Variants in LRRC49 observed in about 807,000 individuals in gnomAD.
LRRC49 encodes leucine-rich repeat-containing protein 49.
In LRRC49, 50 loss-of-function variants were observed where a neutral mutation model predicts 83.3. The observed-to-expected ratio is 0.60, with a 90% CI of 0.48 to 0.76. The LOEUF (loss-of-function observed/expected upper bound fraction) is 0.76. Ranked by LOEUF, LRRC49 falls within the 30% of genes least tolerant of loss-of-function variation. The pLI is 0.00. For synonymous variants in LRRC49, 286 were observed against 283.3 expected, an observed-to-expected ratio of 1.01 and a Z score of -0.10; for missense variants, 704 against 809.1, an observed-to-expected ratio of 0.87 and a Z score of 1.58.
chr15:70,941,193 C>T (rs1010866317), intron 8 of LRRC49, among the ~76,000 whole-genome samples: 1 of 151,988 alleles, frequency 6.6e-6, no homozygotes, highest in African/African-American at 2.4e-5. Flanking sequence ...TATGTTCTAC[C>T]GCTTCAGAAA....
intron 12 of LRRC49, 124 bp downstream of exon 12, chr15:71,008,740 T>G (rs2038549443): frequency 3.0e-6 from 2 of 661,980 alleles, no homozygotes; most frequent in Non-Finnish European, 5.0e-6. Context: ...TTAAGTTTTG[T>G]GTTGATTTTC....
chr15:70,953,421 G>T (rs1034709638), intron 8 of LRRC49, among the ~76,000 whole-genome samples: 2 of 152,086 alleles, frequency 1.3e-5, no homozygotes, highest in African/African-American at 4.8e-5. Context: ...ATTCTTGGTT[G>T]GAATTTCTTT....
chr15:70,930,308 T>A lies in LRRC49; in HGVS notation c.712-6453T>A, dbSNP rs1191760641. Among the ~76,000 whole-genome samples the A allele has an allele frequency of 2.6e-5, 4 of 152,308 alleles. No individual in the cohort carries two copies. In the East Asian group the frequency reaches 7.7e-4, roughly 29 times the overall value. On this transcript the variant is annotated intron_variant, in intron 7 of 15. Transcript: ENST00000260382. ...CTTGGGTGACCAAGTGCATTGTTAA[T>A]AAGCAGTAATATTTTGAAAGGAAAA...
At chr15:71,006,128 A>G (rs2038449504) in intron 11 of LRRC49, among the ~76,000 whole-genome samples, 1 of 152,150 alleles carries the variant, frequency 6.6e-6, no homozygotes, top group African/African-American at 2.4e-5. Context: ...AGCTATATAA[A>G]TTGGAAATTA....
chr15:70,870,906 C>T (rs8027894), intron 1 of LRRC49, among the ~76,000 whole-genome samples: 84,491 of 150,666 alleles, frequency 0.56, 24,182 homozygotes, highest in Middle Eastern at 0.7. Flanking sequence ...AGATATGCTG[C>T]AAGATATTTG....
At chr15:70,916,673 G>T (rs1163973233) in intron 6 of LRRC49, among the ~76,000 whole-genome samples, 2 of 152,216 alleles carry the variant, frequency 1.3e-5, no homozygotes, top group African/African-American at 4.8e-5. Flanking sequence ...AGGGAGGCGT[G>T]GCTGGGGCTG....
At chr15:70,893,944 G>C (rs1281162088) in intron 2 of LRRC49, among the ~76,000 whole-genome samples, 3 of 151,520 alleles carry the variant, frequency 2.0e-5, no homozygotes, top group Admixed American at 6.6e-5. Context: ...TGGGGCGCTG[G>C]GGTGCAGTGG....
At chr15:70,891,932 T>C, upstream of LRRC49, 1 of 1,613,748 alleles carries the variant, frequency 6.2e-7, no homozygotes, top group Non-Finnish European at 8.5e-7. Context: ...TGCCTGGAGC[T>C]CTCCTCGCGT....
chr15:71,033,459 T>C (rs1038830289), intron 14 of LRRC49, among the ~76,000 whole-genome samples: 1 of 152,182 alleles, frequency 6.6e-6, no homozygotes, highest in Admixed American at 6.5e-5. Flanking sequence ...ATGGCCATAC[T>C]GCCCAAAGCA....
intron 11 of LRRC49, 110 bp downstream of exon 11, chr15:70,984,367 A>T (rs1156975991): frequency 1.0e-6 from 1 of 962,042 alleles, no homozygotes; most frequent in African/African-American, 1.7e-5. Context: ...TCTTAAGAAA[A>T]CTTGCTGAAA....
At chr15:70,997,226 A>T (rs2038103837) in intron 11 of LRRC49, among the ~76,000 whole-genome samples, 1 of 152,192 alleles carries the variant, frequency 6.6e-6, no homozygotes, top group South Asian at 2.1e-4. Flanking sequence ...TTAAGTGCAT[A>T]TACCTTTATA....
intron 7 of LRRC49, among the ~76,000 whole-genome samples, chr15:70,936,169 A>G (rs2035590885): frequency 6.6e-6 from 1 of 152,098 alleles, no homozygotes. Context: ...CTATTTTAAG[A>G]ACCTCTGATA....
At chr15:71,026,344 CTT>C (rs1365390416) in intron 14 of LRRC49, among the ~76,000 whole-genome samples, 1 of 152,068 alleles carries the variant, frequency 6.6e-6, no homozygotes, top group Non-Finnish European at 1.5e-5. Context: ...GGTTCCAAGT[CTT>C]TGCTATTATA....
intron 3 of LRRC49, among the ~76,000 whole-genome samples, chr15:70,896,732 T>C (rs999522613): frequency 1.3e-5 from 2 of 152,158 alleles, no homozygotes; most frequent in Admixed American, 6.6e-5. Flanking sequence ...GGCTGATCAG[T>C]ATAGGCCTTT....
intron 12 of LRRC49, 21 bp from the exon 13 acceptor site, chr15:71,009,786 A>G (rs200875273): frequency 1.1e-4 from 167 of 1,553,948 alleles, no homozygotes; most frequent in Middle Eastern, 1.7e-4. Flanking sequence ...TCTGATCTGT[A>G]TTTGTGTTTT....
chr15:71,036,749 C>T (rs1026568986), intron 14 of LRRC49, among the ~76,000 whole-genome samples: 25 of 152,160 alleles, frequency 1.6e-4, no homozygotes, highest in Non-Finnish European at 8.8e-5. Context: ...CATTTTCTAG[C>T]TATCAGTAAT....
chr15:70,912,073 G>T (rs1462203717), intron 6 of LRRC49, among the ~76,000 whole-genome samples: 1 of 151,988 alleles, frequency 6.6e-6, no homozygotes, highest in African/African-American at 2.4e-5. Flanking sequence ...TTTAAAAAAG[G>T]TATACTATAT....
At chr15:71,039,508 G>A (rs1362798286) in intron 15 of LRRC49, among the ~76,000 whole-genome samples, 1 of 152,148 alleles carries the variant, frequency 6.6e-6, no homozygotes, top group African/African-American at 2.4e-5. Context: ...AAAAAATGAT[G>A]TAGTAACGTA....
intron 8 of LRRC49, among the ~76,000 whole-genome samples, chr15:70,950,028 C>T (rs941100223): frequency 6.6e-6 from 1 of 152,008 alleles, no homozygotes; most frequent in African/African-American, 2.4e-5. Context: ...GTGTATTCAT[C>T]GTCTGGCTCC....
Sources: allele counts gnomAD v4.1 joint callset (sites outside exome capture counted in the v4.1 genomes callset), GRCh38; gene constraint gnomAD v4.1.1; transcripts MANE v1.5; gene names NCBI Gene and HGNC (gene_info 2026-07-23, HGNC 2026-07-21).